The following DCC variants were observed in gnomAD, a reference collection of about 807,000 sequenced individuals.
The protein encoded by DCC is netrin receptor DCC.
DCC carries 58 observed loss-of-function variants against 172.5 expected under a neutral mutation model. That is an observed-to-expected ratio of 0.34 (90% CI 0.27 to 0.42). The LOEUF (loss-of-function observed/expected upper bound fraction) is 0.42, where lower values mean the gene tolerates loss of function less well. Among genes scored for constraint, DCC ranks in the 10% least tolerant of loss-of-function variants. DCC has a pLI of 1.00. For synonymous variants in DCC, 709 were observed against 644.5 expected (o/e 1.10, Z -1.52); for missense variants, 1,740 against 1,791.0 (o/e 0.97, Z 0.51).
intron 1 of DCC, among the ~76,000 whole-genome samples, chr18:52,670,748 G>A (rs2035537021): frequency 6.6e-6 from 1 of 152,050 alleles, no homozygotes; most frequent in African/African-American, 2.4e-5. Context: ...ACTGAGGCAG[G>A]AGAATCATTT....
intron 5 of DCC, among the ~76,000 whole-genome samples, chr18:52,946,487 G>C (rs1014045579): frequency 6.6e-6 from 1 of 151,754 alleles, no homozygotes; most frequent in African/African-American, 2.4e-5. Flanking sequence ...TTCTCAAGAT[G>C]ATGGGTCTTT....
At chr18:52,687,606 G>A (rs1175441211) in intron 1 of DCC, among the ~76,000 whole-genome samples, 1 of 151,898 alleles carries the variant, frequency 6.6e-6, no homozygotes, top group African/African-American at 2.4e-5. Flanking sequence ...GCAAATAAAT[G>A]TAGTTAACGT....
chr18:52,628,074 C>T (rs189686290), intron 1 of DCC, among the ~76,000 whole-genome samples: 44 of 152,162 alleles, frequency 2.9e-4, no homozygotes, highest in Middle Eastern at 6.8e-3. Flanking sequence ...TTTCCTTTAC[C>T]CTTTCCAATT....
chr18:52,547,715 G>A (rs944088540), intron 1 of DCC, among the ~76,000 whole-genome samples: 93 of 152,048 alleles, frequency 6.1e-4, no homozygotes, highest in Admixed American at 6.1e-3. Context: ...TGAAAAGAGG[G>A]GGCATGTTAA....
In DCC at chr18:53,362,192, C is replaced by T. The variant is rs147866046; in HGVS notation, c.2359+22285C>T. Among the ~76,000 whole-genome samples the T allele has an allele frequency of 6.2e-4, 95 of 152,066 alleles. 1 individual carries two copies. The highest frequency in any genetic ancestry group is 2.6e-4 in the Admixed American group (4 of 15,272). On this transcript the variant is annotated intron_variant, in intron 15 of 28. Transcript: ENST00000442544. ...TGAACTTGCAGTAAAACTTTGGGGACGATTATTTTGATCACAACTGTAGGA... is the reference window on the plus strand; with the variant it reads ...TGAACTTGCAGTAAAACTTTGGGGATGATTATTTTGATCACAACTGTAGGA...
intron 2 of DCC, among the ~76,000 whole-genome samples, chr18:52,846,700 GA>G (rs2038899049): frequency 6.6e-6 from 1 of 151,030 alleles, no homozygotes; most frequent in African/African-American, 2.4e-5. Context: ...GGAGCTTTCA[GA>G]AATGGTGTGT....
At chr18:52,801,564 A>G (rs1024951470) in intron 2 of DCC, among the ~76,000 whole-genome samples, 4 of 152,232 alleles carry the variant, frequency 2.6e-5, no homozygotes, top group African/African-American at 9.6e-5. Flanking sequence ...AATAATTAAA[A>G]GTCTATCTAT....
chr18:52,737,049 A>G (rs1434853340), intron 1 of DCC, among the ~76,000 whole-genome samples: 3 of 152,230 alleles, frequency 2.0e-5, no homozygotes, highest in African/African-American at 4.8e-5. Flanking sequence ...TATAGTCTCT[A>G]TCATTCAAGG....
chr18:53,408,346 A>G (rs1458496525), intron 19 of DCC, among the ~76,000 whole-genome samples: 3 of 151,988 alleles, frequency 2.0e-5, no homozygotes, highest in African/African-American at 7.2e-5. Context: ...CTGAGGTCTC[A>G]TCTTTGGTTT....
At chr18:53,109,553 C>T (rs78174174) in intron 7 of DCC, among the ~76,000 whole-genome samples, 2 of 151,070 alleles carry the variant, frequency 1.3e-5, no homozygotes, top group South Asian at 4.2e-4. Flanking sequence ...TCTTTCTCCT[C>T]TTCCTTCATT....
chr18:53,305,612 G>A lies in DCC; in HGVS notation c.1946G>A (p.Gly649Glu). The A allele has an allele frequency of 3.7e-6, 6 of 1,613,350 alleles. No homozygotes were observed. The highest frequency in any genetic ancestry group is 1.3e-5 in the African/African-American group (1 of 74,982). ...IKVSWLPPPS[G>E]TQNGFITGYK... Reference sequence around the variant, plus strand: ...GTTAGCTGGCTGCCTCCTCCATCAGGAACACAAAATGGATTTATTACCGGC... The same window carrying A: ...GTTAGCTGGCTGCCTCCTCCATCAGAAACACAAAATGGATTTATTACCGGC... Residue 649 changes from glycine (G) to glutamate (E), a missense_variant, in exon 13 of 29, where the codon GGA becomes GAA. Gly to Glu is a moderately conservative substitution (Grantham distance 98). Coordinates refer to ENST00000442544, the MANE Select transcript of DCC (RefSeq NM_005215.4).
chr18:53,143,439 C>G (rs928176043), intron 7 of DCC, among the ~76,000 whole-genome samples: 1 of 152,190 alleles, frequency 6.6e-6, no homozygotes, highest in Non-Finnish European at 1.5e-5. Context: ...CTATCCCTTA[C>G]CTCTACCCAA....
At chr18:52,698,537 G>T (rs1475285518) in intron 1 of DCC, among the ~76,000 whole-genome samples, 1 of 151,762 alleles carries the variant, frequency 6.6e-6, no homozygotes, top group East Asian at 1.9e-4. Flanking sequence ...GCTCCCCATT[G>T]TTCTACCATG....
At chr18:52,838,466 C>T (rs2145312094) in intron 2 of DCC, among the ~76,000 whole-genome samples, 1 of 152,184 alleles carries the variant, frequency 6.6e-6, no homozygotes, top group South Asian at 2.1e-4. Flanking sequence ...AGTGATTGTA[C>T]TGGCTGTGTC....
At chr18:53,397,669 C>T (rs1008358017) in intron 18 of DCC, among the ~76,000 whole-genome samples, 12 of 152,114 alleles carry the variant, frequency 7.9e-5, no homozygotes, top group Non-Finnish European at 1.3e-4. Context: ...ATGATTAATA[C>T]ACGGTTTCTT....
intron 5 of DCC, among the ~76,000 whole-genome samples, chr18:52,984,841 T>C (rs879298814): frequency 6.6e-6 from 1 of 152,106 alleles, no homozygotes; most frequent in Admixed American, 6.6e-5. Context: ...TCAAATAGAT[T>C]ATCTACTTTT....
rs199821197 is a variant in DCC, at chr18:53,435,154, A to G, written c.3174A>G (p.Gly1058=). The change falls in exon 22 of 29, where the codon GGA becomes GGG. Residue 1058 remains glycine, a synonymous_variant. Coordinates refer to ENST00000442544, the MANE Select transcript of DCC (RefSeq NM_005215.4). ...DKMANDQGRH[G]DGGYWPVDTN... is the part of the protein sequence containing the mutation. ...TCTCCCAATGAACAGGTCGTCATGGAGATGGAGGTTATTGGCCAGTTGATA... is the reference window on the plus strand; with the variant it reads ...TCTCCCAATGAACAGGTCGTCATGGGGATGGAGGTTATTGGCCAGTTGATA... 266 of 1,610,888 alleles carry G rather than the reference A, an allele frequency of 1.7e-4. 1 individual carries two copies. Among genetic ancestry groups the G allele is most frequent in the Non-Finnish European group, 7.6e-6 (9 of 1,177,208 alleles).
intron 1 of DCC, among the ~76,000 whole-genome samples, chr18:52,602,613 C>T (rs1014220269): frequency 3.3e-5 from 5 of 151,930 alleles, no homozygotes; most frequent in Admixed American, 2.0e-4. Context: ...ATTAAAATCA[C>T]GTATATTCAA....
At chr18:52,663,660 A>C (rs1461118163) in intron 1 of DCC, among the ~76,000 whole-genome samples, 1 of 152,228 alleles carries the variant, frequency 6.6e-6, no homozygotes, top group Non-Finnish European at 1.5e-5. Flanking sequence ...TATATTATAT[A>C]TAAATGCTAC....
Sources: gnomAD v4.1 joint callset for allele counts (sites outside exome capture counted in the v4.1 genomes callset) on GRCh38, gnomAD v4.1.1 for gene constraint, MANE v1.5 for transcripts, NCBI Gene and HGNC (gene_info 2026-07-23, HGNC 2026-07-21) for gene names.